Variants in TENM4 observed in about 807,000 individuals in gnomAD.
TENM4 encodes teneurin-4.
A neutral mutation model predicts 243.3 loss-of-function variants in TENM4; 82 were observed. That is an observed-to-expected ratio of 0.34 (90% CI 0.28 to 0.40). TENM4 has a LOEUF of 0.40. Among genes scored for constraint, TENM4 ranks in the 10% least tolerant of loss-of-function variants. The probability of loss-of-function intolerance (pLI) is 1.00; values close to 1 mark genes in which losing one functional copy is unlikely to be tolerated. For missense variants in TENM4, 3,138 were observed against 3,673.3 expected, an observed-to-expected ratio of 0.85 and a Z score of 3.77; for synonymous variants, 1,412 against 1,456.3, an observed-to-expected ratio of 0.97 and a Z score of 0.69.
At chr11:78,706,293 A>T (rs974858575) in intron 27 of TENM4, among the ~76,000 whole-genome samples, 10 of 152,042 alleles carry the variant, frequency 6.6e-5, no homozygotes, top group African/African-American at 9.7e-5. Context: ...GGTTGCAACA[A>T]CTTCCTTCTG....
chr11:79,103,130 T>C (rs991488770), intron 4 of TENM4, among the ~76,000 whole-genome samples: 2 of 152,128 alleles, frequency 1.3e-5, no homozygotes, highest in African/African-American at 2.4e-5. Context: ...GTCCCTCTGC[T>C]TCCAATGCCC....
chr11:79,157,034 AG>A (rs1202518524), intron 3 of TENM4, among the ~76,000 whole-genome samples: 1 of 152,170 alleles, frequency 6.6e-6, no homozygotes, highest in African/African-American at 2.4e-5. Context: ...GGAATGAGTG[AG>A]ATGGGTTGAG....
At chr11:78,968,500 G>A (rs1857480489) in intron 6 of TENM4, among the ~76,000 whole-genome samples, 1 of 152,110 alleles carries the variant, frequency 6.6e-6, no homozygotes, top group African/African-American at 2.4e-5. Flanking sequence ...TGCCCAGACT[G>A]CTATTTTCTT....
chr11:79,027,176 G>A (rs911737328), intron 6 of TENM4, among the ~76,000 whole-genome samples: 3 of 152,164 alleles, frequency 2.0e-5, no homozygotes, highest in African/African-American at 7.2e-5. Context: ...TAGGGGAAGA[G>A]GATAGGGCAG....
Position 78,854,297 on chromosome 11 carries a change from C to A in TENM4, c.1488G>T (p.Leu496=), listed in dbSNP as rs1360245619. 3 of 1,514,170 alleles carry A rather than the reference C, an allele frequency of 2.0e-6. No homozygotes were observed. The highest frequency in any genetic ancestry group is 5.0e-5 in the East Asian group (2 of 40,328). 93.8% of individuals were successfully genotyped at this position (1,514,170 alleles called of 1,614,324 possible). A position where few individuals can be genotyped will look rare whatever the true frequency, so the allele number is the denominator to read the frequency against. ...GGGTTAGGAGCCTCCTGCCATCCAG[C>A]AGCTCCACAAAGTCAAACTGAAAGA... ...PSHTQFDFVE[L]LDGRRLLTQE... is the part of the protein sequence containing the mutation. The change falls in exon 12 of 34, where the codon CTG becomes CTT. Residue 496 remains leucine, a synonymous_variant. Transcript: ENST00000278550.
chr11:78,738,504 G>A lies in TENM4; in HGVS notation c.2823C>T (p.Ile941=). The A allele has an allele frequency of 6.2e-7, 1 of 1,613,908 alleles. No homozygotes were observed. The highest frequency in any genetic ancestry group is 8.5e-7 in the Non-Finnish European group (1 of 1,179,844). Residue 941 remains isoleucine (I), a synonymous_variant, in exon 20 of 34, where the codon ATC becomes ATT. Transcript: ENST00000278550. The stretch of plus-strand genomic sequence containing the variant: ...CAAAGAGAGGGTTATTGACAAAACT[G>A]ATGTTCACACCAACCAGGGGGGTTC... The part of the protein sequence containing the change: ...SDGTPLVGVN[I]SFVNNPLFGY...
Position 79,336,350 on chromosome 11 carries a change from C to T in TENM4, c.-320-38807G>A, listed in dbSNP as rs181018122. ...CTTCTGATCGGTTAAATGGGAGTAA[C>T]AAGAGCCATCTCGCATACTTACTTC... is the stretch of plus-strand genomic sequence containing the variant. On this transcript the variant is annotated intron_variant, in intron 1 of 33. Coordinates refer to ENST00000278550, the MANE Select transcript of TENM4 (RefSeq NM_001098816.3). 7.8e-4 allele frequency among the ~76,000 whole-genome samples: 118 copies of T among 152,234 alleles called. 1 individual carries two copies. The highest frequency in any genetic ancestry group is 2.7e-3 in the African/African-American group (113 of 41,532).
chr11:79,132,265 G>A (rs1420223380), intron 4 of TENM4, among the ~76,000 whole-genome samples: 1 of 148,610 alleles, frequency 6.7e-6, no homozygotes, highest in Non-Finnish European at 1.5e-5. Context: ...AGAATAGCGT[G>A]AACCTGGGAG....
intron 6 of TENM4, among the ~76,000 whole-genome samples, chr11:78,975,319 A>G (rs1220134620): frequency 6.6e-6 from 1 of 151,902 alleles, no homozygotes; most frequent in Non-Finnish European, 1.5e-5. Context: ...ACACCTCTGG[A>G]GGCTGAAATT....
chr11:79,171,545 G>A (rs1273420196), intron 3 of TENM4, among the ~76,000 whole-genome samples: 1 of 152,194 alleles, frequency 6.6e-6, no homozygotes, highest in Admixed American at 6.5e-5. Context: ...CCCATAGACT[G>A]ATTAAATATG....
intron 6 of TENM4, among the ~76,000 whole-genome samples, chr11:78,960,787 A>G (rs1461170181): frequency 6.6e-6 from 1 of 152,212 alleles, no homozygotes; most frequent in Non-Finnish European, 1.5e-5. Context: ...ATGTACTCCC[A>G]AGAGAAAAGA....
chr11:78,740,427 C>T (rs889885397), intron 19 of TENM4, among the ~76,000 whole-genome samples: 10 of 150,832 alleles, frequency 6.6e-5, no homozygotes, highest in African/African-American at 1.9e-4. Context: ...GGTTTCCTTC[C>T]GAGGCCCTTG....
intron 1 of TENM4, among the ~76,000 whole-genome samples, chr11:79,398,312 G>A (rs1161055616): frequency 1.3e-5 from 2 of 151,958 alleles, no homozygotes; most frequent in Admixed American, 6.6e-5. Flanking sequence ...GACAAGTAGG[G>A]GTGGGCGCAT....
At chr11:79,305,184 C>G (rs1856606289) in intron 1 of TENM4, among the ~76,000 whole-genome samples, 1 of 152,212 alleles carries the variant, frequency 6.6e-6, no homozygotes. Context: ...AATCCCAGCT[C>G]TGGCTTATGT....
chr11:78,914,018 C>T (rs1856258556), intron 6 of TENM4, among the ~76,000 whole-genome samples: 1 of 152,112 alleles, frequency 6.6e-6, no homozygotes, highest in Non-Finnish European at 1.5e-5. Flanking sequence ...CGCTAAACGC[C>T]TTATAATGTC....
chr11:79,208,182 C>T (rs181465226), intron 3 of TENM4, among the ~76,000 whole-genome samples: 79 of 152,270 alleles, frequency 5.2e-4, no homozygotes, highest in African/African-American at 1.9e-3. Context: ...CTAACAGCAA[C>T]CAGAATACCC....
At chr11:78,809,832 T>C (rs1857460441) in intron 14 of TENM4, among the ~76,000 whole-genome samples, 1 of 152,216 alleles carries the variant, frequency 6.6e-6, no homozygotes, top group South Asian at 2.1e-4. Flanking sequence ...TGATGAGGCC[T>C]GCATGACCAG....
At chr11:79,120,389 T>G (rs1432691977) in intron 4 of TENM4, among the ~76,000 whole-genome samples, 1 of 152,244 alleles carries the variant, frequency 6.6e-6, no homozygotes, top group East Asian at 1.9e-4. Context: ...CCCATCTGTC[T>G]GTCTGTCCAG....
intron 29 of TENM4, among the ~76,000 whole-genome samples, chr11:78,685,064 T>G (rs1354162915): frequency 6.6e-6 from 1 of 152,100 alleles, no homozygotes; most frequent in African/African-American, 2.4e-5. Flanking sequence ...CTCTCACACA[T>G]GCAAAAATTC....
Sources: gnomAD v4.1 joint callset for allele counts (sites outside exome capture counted in the v4.1 genomes callset) on GRCh38, gnomAD v4.1.1 for gene constraint, MANE v1.5 for transcripts, NCBI Gene and HGNC (gene_info 2026-07-23, HGNC 2026-07-21) for gene names.